ARHGEF33: variants seen among roughly 807,000 people sequenced by gnomAD.
The protein encoded by ARHGEF33 is Rho guanine nucleotide exchange factor 33.
ARHGEF33 carries 72 observed loss-of-function variants against 101.9 expected under a neutral mutation model. The ratio of observed to expected loss-of-function variants is 0.71; its 90% CI spans 0.58 to 0.86. ARHGEF33 has a LOEUF of 0.86. ARHGEF33 is among the 40% of genes least tolerant of loss of function. The pLI is 0.00. For missense variants in ARHGEF33, 1,169 were observed against 1,111.3 expected, an observed-to-expected ratio of 1.05 and a Z score of -0.74; for synonymous variants, 499 against 442.5, an observed-to-expected ratio of 1.13 and a Z score of -1.60.
At chr2:38,899,281 G>C (rs1293129693) in intron 2 of ARHGEF33, among the ~76,000 whole-genome samples, 1 of 152,050 alleles carries the variant, frequency 6.6e-6, no homozygotes, top group Non-Finnish European at 1.5e-5. Flanking sequence ...AAAAATATTT[G>C]ATAATTTTTT....
chr2:38,973,798 C>G lies in ARHGEF33; in HGVS notation c.2568C>G (p.Asn856Lys). Residue 856 changes from asparagine (N) to lysine (K), a missense_variant, in exon 18 of 18, where the codon AAC (asparagine) becomes AAG (lysine). Coordinates refer to ENST00000409978, the MANE Select transcript of ARHGEF33 (RefSeq NM_001145451.5). ...CCACCAAACAAGATTTCTTCAGAAA[C>G]CGACTTGCTCTTGCAAATGACCTTG... ...PSPTKQDFFR[N>K]RLALANDLDQ... 1 of 1,549,230 alleles carries G rather than the reference C, an allele frequency of 6.5e-7. No homozygotes were observed. Among genetic ancestry groups the G allele is most frequent in the Non-Finnish European group, 8.7e-7 (1 of 1,146,212 alleles).
At chr2:38,961,582 CAG>C (rs1667940808) in intron 16 of ARHGEF33, among the ~76,000 whole-genome samples, 1 of 152,138 alleles carries the variant, frequency 6.6e-6, no homozygotes, top group African/African-American at 2.4e-5. Context: ...CGAATGGAAA[CAG>C]TGATGACACT....
intron 13 of ARHGEF33, among the ~76,000 whole-genome samples, chr2:38,955,896 C>T (rs544933724): frequency 7.9e-5 from 12 of 152,098 alleles, no homozygotes; most frequent in East Asian, 7.7e-4. Flanking sequence ...AGGATGGTCT[C>T]GATCTCCTGG....
Position 38,960,413 on chromosome 2 carries a change from A to C in ARHGEF33, c.2108A>C (p.Lys703Thr), listed in dbSNP as rs1198656663. 9.3e-6 allele frequency: 14 copies of C among 1,512,038 alleles called. No individual in the cohort carries two copies. Among genetic ancestry groups the C allele is most frequent in the Non-Finnish European group, 6.2e-6 (7 of 1,136,308 alleles). The allele number at this position is 1,512,038 out of a possible 1,614,324, so 93.7% of individuals were successfully genotyped here. ...GCGGCGCAGGCGCACGGCAAGGCCA[A>C]GCCGCTGAGCCGCTCTCTCAAAGAG... Reference protein sequence around the residue: ...EAAAQAHGKAKPLSRSLKEFP... With the variant: ...EAAAQAHGKATPLSRSLKEFP... The change falls in exon 16 of 18, where the codon AAG becomes ACG. Residue 703 changes from lysine to threonine, a missense_variant. Coordinates refer to ENST00000409978, the MANE Select transcript of ARHGEF33 (RefSeq NM_001145451.5).
At chr2:38,911,987 C>G (rs893131591) in intron 2 of ARHGEF33, among the ~76,000 whole-genome samples, 9 of 152,340 alleles carry the variant, frequency 5.9e-5, no homozygotes, top group African/African-American at 2.2e-4. Flanking sequence ...CAGAACCCTA[C>G]CAGCTTGGTG....
intron 4 of ARHGEF33, 25 bp downstream of exon 4, chr2:38,921,448 A>C: frequency 6.8e-7 from 1 of 1,469,960 alleles, no homozygotes; most frequent in South Asian, 1.2e-5. Flanking sequence ...ATTGTTTCAA[A>C]TGCTCCCATG....
intron 10 of ARHGEF33, 126 bp downstream of exon 10, chr2:38,944,156 G>A: frequency 1.0e-6 from 1 of 1,004,922 alleles, no homozygotes; most frequent in Non-Finnish European, 1.4e-6. Context: ...GAAAAGAGAA[G>A]AGGCAGTGAT....
intron 4 of ARHGEF33, among the ~76,000 whole-genome samples, chr2:38,922,001 G>A (rs1267397872): frequency 6.6e-6 from 1 of 152,120 alleles, no homozygotes; most frequent in African/African-American, 2.4e-5. Context: ...GAAACAATTT[G>A]CTTTACAAGG....
At chr2:38,938,476 C>G (rs1481574331) in intron 9 of ARHGEF33, among the ~76,000 whole-genome samples, 1 of 152,192 alleles carries the variant, frequency 6.6e-6, no homozygotes, top group Non-Finnish European at 1.5e-5. Flanking sequence ...GAGGTCGAGG[C>G]TGCATTGAGC....
At chr2:38,941,031 G>C (rs1447517570) in intron 9 of ARHGEF33, among the ~76,000 whole-genome samples, 1 of 152,180 alleles carries the variant, frequency 6.6e-6, no homozygotes, top group Non-Finnish European at 1.5e-5. Context: ...TTCTACAGTA[G>C]TGATGTTATC....
chr2:38,894,539 T>G (rs1482630588), intron 1 of ARHGEF33, among the ~76,000 whole-genome samples: 1 of 152,196 alleles, frequency 6.6e-6, no homozygotes, highest in Non-Finnish European at 1.5e-5. Flanking sequence ...CTAGTGCTGT[T>G]AGATGAGTTC....
At chr2:38,910,027 C>G (rs1443850646) in intron 2 of ARHGEF33, among the ~76,000 whole-genome samples, 1 of 151,948 alleles carries the variant, frequency 6.6e-6, no homozygotes, top group Non-Finnish European at 1.5e-5. Flanking sequence ...CTCAGAACCT[C>G]ATAGAATAAA....
chr2:38,964,732 T>C (rs1668017366), intron 16 of ARHGEF33, among the ~76,000 whole-genome samples: 1 of 152,104 alleles, frequency 6.6e-6, no homozygotes, highest in Admixed American at 6.5e-5. Flanking sequence ...CCTTCTGCTG[T>C]GTGGCCCAGT....
chr2:38,957,227 T>C (rs904765647), intron 14 of ARHGEF33, among the ~76,000 whole-genome samples, 180 bp downstream of exon 14: 1 of 152,104 alleles, frequency 6.6e-6, no homozygotes, highest in Non-Finnish European at 1.5e-5. Flanking sequence ...GACTACCCAG[T>C]GGAAATTATT....
chr2:38,902,689 T>G (rs927728380), intron 2 of ARHGEF33, among the ~76,000 whole-genome samples: 1 of 152,196 alleles, frequency 6.6e-6, no homozygotes, highest in African/African-American at 2.4e-5. Flanking sequence ...CACCTATTTA[T>G]TCAAGGCCTA....
In ARHGEF33 at chr2:38,890,055, C is replaced by T; in HGVS notation, c.-159+69C>T. The T allele has an allele frequency of 5.9e-6, 2 of 336,690 alleles. 1 individual carries two copies. The highest frequency in any genetic ancestry group is 5.2e-5 in the South Asian group (2 of 38,442). 20.9% of individuals were successfully genotyped at this position (336,690 alleles called of 1,614,324 possible). A position where few individuals can be genotyped will look rare whatever the true frequency, so the allele number is the denominator to read the frequency against. The stretch of plus-strand genomic sequence containing the variant: ...AAACAATTTTATAAGAGATGAAAAC[C>T]CATCAATCCTTACCACGTGGTGTAC... On this transcript the variant is annotated intron_variant, in intron 1 of 17. Transcript: ENST00000409978.
rs531125063 is a variant in ARHGEF33 at position 38,962,556 on chromosome 2, G to A, written c.2343+1908G>A. On this transcript the variant is annotated intron_variant, in intron 16 of 17. Transcript: ENST00000409978. ...CAAGTTTCATCTCCTAACAGTGTAAGACATGCGTCAAGTCAGTTCAAAATG... is the reference window on the plus strand; with the variant it reads ...CAAGTTTCATCTCCTAACAGTGTAAAACATGCGTCAAGTCAGTTCAAAATG... Among the ~76,000 whole-genome samples, 6 of 152,260 alleles carry A rather than the reference G, an allele frequency of 3.9e-5. No individual in the cohort carries two copies. The East Asian group carries it at 1.2e-3, about 29-fold the overall frequency.
At chr2:38,967,742 ATT>A (rs546430517) in intron 17 of ARHGEF33, among the ~76,000 whole-genome samples, 15 of 128,328 alleles carry the variant, frequency 1.2e-4, no homozygotes, top group Admixed American at 1.6e-4. Context: ...CGCCCTGGCT[ATT>A]TTTTTTTTTT....
At chr2:38,957,759 C>G (rs1252831352) in intron 14 of ARHGEF33, among the ~76,000 whole-genome samples, 1 of 152,126 alleles carries the variant, frequency 6.6e-6, no homozygotes, top group Non-Finnish European at 1.5e-5. Flanking sequence ...GAAAAAGATG[C>G]TGTCTCCCAA....
Sources: allele counts gnomAD v4.1 joint callset (sites outside exome capture counted in the v4.1 genomes callset), GRCh38; gene constraint gnomAD v4.1.1; transcripts MANE v1.5; gene names NCBI Gene and HGNC (gene_info 2026-07-23, HGNC 2026-07-21).